The following SLC38A10 variants were observed in gnomAD, a reference collection of about 807,000 sequenced individuals.
SLC38A10 encodes the protein solute carrier family 38 member 10, also known as Sodium-coupled neutral amino acid transporter 10.
In SLC38A10, 53 loss-of-function variants were observed where a neutral mutation model predicts 81.0. The ratio of observed to expected loss-of-function variants is 0.65; its 90% CI spans 0.53 to 0.82. The LOEUF is 0.82. SLC38A10 is among the 40% of genes least tolerant of loss of function. The probability of loss-of-function intolerance (pLI) is 0.00; values close to 1 mark genes in which losing one functional copy is unlikely to be tolerated. For synonymous variants in SLC38A10, 665 were observed against 655.3 expected, an observed-to-expected ratio of 1.01 and a Z score of -0.23; for missense variants, 1,471 against 1,545.0, an observed-to-expected ratio of 0.95 and a Z score of 0.80.
Position 81,283,625 on chromosome 17 carries a change from TTTTTTTG to T in SLC38A10, c.264-130_264-124del, listed in dbSNP as rs2063236491. The T allele has an allele frequency of 4.5e-6, 3 of 669,914 alleles. No individual in the cohort carries two copies. The highest frequency in any genetic ancestry group is 1.9e-5 in the South Asian group (1 of 53,362). The allele number at this position is 669,914 out of a possible 1,614,324, so 41.5% of individuals were successfully genotyped here. On this transcript the variant is annotated intron_variant, in intron 3 of 15. Transcript: ENST00000374759. The surrounding 1 kb of genome is among the most constrained non-coding windows in gnomAD (Gnocchi z 4.7). The stretch of plus-strand genomic sequence containing the variant: ...GATGTGATTTCTTTTTTCTTTTTTT[TTTTTTTG>T]AAACAGAGTCTCACTCTGTCGCCCA...
Position 81,253,937 on chromosome 17 carries a change from C to A in SLC38A10, c.1289-697G>T. Reference sequence around the variant, plus strand: ...GCCAACCCTACCATCATTGCCATCACCTCCATTATCGTCATCACCACCACC... The same window carrying A: ...GCCAACCCTACCATCATTGCCATCAACTCCATTATCGTCATCACCACCACC... On this transcript the variant is annotated intron_variant, in intron 11 of 15. Coordinates refer to ENST00000374759, the MANE Select transcript of SLC38A10 (RefSeq NM_001037984.3). This position sits in a 1 kb window ranked among gnomAD's most constrained non-coding sequence, Gnocchi z 4.1. 6.6e-6 allele frequency among the ~76,000 whole-genome samples: 1 copy of A among 151,884 alleles called. No homozygotes were observed. The highest frequency in any genetic ancestry group is 1.5e-5 in the Non-Finnish European group (1 of 67,982).
Position 81,260,373 on chromosome 17 carries a change from C to T in SLC38A10, c.1153G>A (p.Gly385Ser). The T allele has an allele frequency of 3.1e-6, 5 of 1,611,390 alleles. No individual in the cohort carries two copies. The highest frequency in any genetic ancestry group is 4.2e-6 in the Non-Finnish European group (5 of 1,179,316). The change falls in exon 11 of 16, where the codon GGC (glycine) becomes AGC (serine). Residue 385 changes from glycine to serine, a missense_variant. Gly to Ser is a moderately conservative substitution (Grantham distance 56, BLOSUM62 0). Around this residue, in one of 2 missense-constraint regions of SLC38A10, gnomAD observed 720 missense variants for 827.7 expected, o/e 0.87. Transcript: ENST00000374759. Reference sequence around the variant, plus strand: ...GTGACAGTGCTCACCACCAGGACGCCCAGGCCGACCCACAGCACCACCTGA... The same window carrying T: ...GTGACAGTGCTCACCACCAGGACGCTCAGGCCGACCCACAGCACCACCTGA... Reference protein sequence around the residue: ...SSQVVLWVGLGVLVVSTVTTL... With the variant: ...SSQVVLWVGLSVLVVSTVTTL...
At position 81,283,170 on chromosome 17, in the gene SLC38A10, C is replaced by T. The variant is rs556565089; in HGVS notation, c.357+239G>A. 7.7e-4 allele frequency among the ~76,000 whole-genome samples: 117 copies of T among 152,286 alleles called. 1 individual carries two copies. In the Middle Eastern group the frequency reaches 0.01, roughly 13 times the overall value. ...GCACTGTGCCCGGGTCTGAGGCTCC[C>T]CCACCCGCCCCTCATCTACATGGTG... On this transcript the variant is annotated intron_variant, in intron 4 of 15. Transcript: ENST00000374759. The surrounding 1 kb of genome is among the most constrained non-coding windows in gnomAD (Gnocchi z 4.7).
chr17:81,252,269 T>C lies in SLC38A10; in HGVS notation c.1871A>G (p.Glu624Gly). The C allele has an allele frequency of 1.2e-6, 2 of 1,600,522 alleles. No individual in the cohort carries two copies. The highest frequency in any genetic ancestry group is 1.1e-5 in the South Asian group (1 of 90,260). ...TGGCGGCGGTCCCCCCTTGGCCTTT[T>C]CCCCTCCACCCACCGCCAGGCCGTT... ...QQNGLAVGGGEKAKGGPPPGN... is the reference protein window; with the variant it reads ...QQNGLAVGGGGKAKGGPPPGN... The change falls in exon 13 of 16, where the codon GAA becomes GGA. Residue 624 changes from glutamate (E) to glycine (G), a missense_variant. Physicochemically the swap from Glu to Gly is moderately conservative, Grantham distance 98. Around this residue, in one of 2 missense-constraint regions of SLC38A10, gnomAD observed 751 missense variants for 717.4 expected, o/e 1.05. Coordinates refer to ENST00000374759, the MANE Select transcript of SLC38A10 (RefSeq NM_001037984.3).
chr17:81,247,824 G>C (rs1315893692), intron 14 of SLC38A10, among the ~76,000 whole-genome samples: 2 of 151,578 alleles, frequency 1.3e-5, no homozygotes, highest in Non-Finnish European at 2.9e-5. Flanking sequence ...CTGGGCAACA[G>C]AGCAAGACCC....
Position 81,245,560 on chromosome 17 carries a change from G to C in SLC38A10, c.3356C>G (p.Ser1119Cys). 1.2e-6 allele frequency: 2 copies of C among 1,603,724 alleles called. No individual in the cohort carries two copies. Among genetic ancestry groups the C allele is most frequent in the Non-Finnish European group, 1.7e-6 (2 of 1,175,386 alleles). The change falls in exon 16 of 16, where the codon TCC (serine) becomes TGC (cysteine). Residue 1119 changes from serine (S) to cysteine (C), a missense_variant. Ser to Cys is a moderately radical substitution (Grantham distance 112). Coordinates refer to ENST00000374759, the MANE Select transcript of SLC38A10 (RefSeq NM_001037984.3). ...LRQAPGPPEES is the reference protein window; with the variant it reads ...LRQAPGPPEEC ...GGCCCTCATGGCCAGCAGGTGCTAG[G>C]ACTCCTCTGGAGGCCCAGGCGCCTG...
chr17:81,283,326 C>T lies in SLC38A10; in HGVS notation c.357+83G>A. The stretch of plus-strand genomic sequence containing the variant: ...AGCTTCTCCCGACCAGCACCCAGGT[C>T]TCGGTCCTCGGGAGGATCCCACAGA... On this transcript the variant is annotated intron_variant, in intron 4 of 15. Transcript: ENST00000374759. This position sits in a 1 kb window ranked among gnomAD's most constrained non-coding sequence, Gnocchi z 4.7. The T allele has an allele frequency of 1.6e-6, 2 of 1,261,848 alleles. No individual in the cohort carries two copies. The highest frequency in any genetic ancestry group is 2.3e-6 in the Non-Finnish European group (2 of 886,240). 78.2% of individuals were successfully genotyped at this position (1,261,848 alleles called of 1,614,324 possible).
chr17:81,294,322 C>T (rs1347472606), intron 1 of SLC38A10, among the ~76,000 whole-genome samples: 1 of 152,164 alleles, frequency 6.6e-6, no homozygotes, highest in African/African-American at 2.4e-5. Context: ...TGAGCCACCA[C>T]CCCCTGCCAA....
Position 81,280,858 on chromosome 17 carries a change from C to A in SLC38A10, c.502-125G>T. ...CAGCTCTTCCCACCCACATCCCAGC[C>A]CCCCACCACCCTGTGCCGCCCTGTG... On this transcript the variant is annotated intron_variant, in intron 5 of 15. Coordinates refer to ENST00000374759, the MANE Select transcript of SLC38A10 (RefSeq NM_001037984.3). 3 of 1,358,370 alleles carry A rather than the reference C, an allele frequency of 2.2e-6. No individual in the cohort carries two copies. The South Asian group carries it at 4.5e-5, about 20-fold the overall frequency. 84.1% of individuals were successfully genotyped at this position (1,358,370 alleles called of 1,614,324 possible). A position where few individuals can be genotyped will look rare whatever the true frequency, so the allele number is the denominator to read the frequency against.
At chr17:81,272,945 G>T (rs1187619772) in intron 8 of SLC38A10, among the ~76,000 whole-genome samples, 1 of 152,192 alleles carries the variant, frequency 6.6e-6, no homozygotes, top group Non-Finnish European at 1.5e-5. Flanking sequence ...TACCACGAGA[G>T]TTTTTTAAGT....
Position 81,262,234 on chromosome 17 carries a change from C to T in SLC38A10, c.1132-1840G>A, listed in dbSNP as rs570911440. ...CTTACAGCCCTTGTGACCCCTCCTA[C>T]GCCAGAGCTGCCCCGGGACCTCCAT... On this transcript the variant is annotated intron_variant, in intron 10 of 15. Coordinates refer to ENST00000374759, the MANE Select transcript of SLC38A10 (RefSeq NM_001037984.3). Among the ~76,000 whole-genome samples the T allele has an allele frequency of 4.6e-5, 7 of 152,324 alleles. No individual in the cohort carries two copies. In the South Asian group the frequency reaches 1.5e-3, roughly 32 times the overall value.
intron 2 of SLC38A10, chr17:81,285,402 C>T (rs1484318550): frequency 6.6e-6 from 1 of 152,652 alleles, no homozygotes; most frequent in South Asian, 2.1e-4. Context: ...AGACTCCTTT[C>T]GAGCATGGTG....
rs576254962 is a variant in SLC38A10 at position 81,281,554 on chromosome 17, G to A, written c.501+635C>T. Among the ~76,000 whole-genome samples the A allele has an allele frequency of 6.6e-6, 1 of 152,136 alleles. No homozygotes were observed. The highest frequency in any genetic ancestry group is 2.1e-4 in the South Asian group (1 of 4,808). On this transcript the variant is annotated intron_variant, in intron 5 of 15. Coordinates refer to ENST00000374759, the MANE Select transcript of SLC38A10 (RefSeq NM_001037984.3). This position sits in a 1 kb window ranked among gnomAD's most constrained non-coding sequence, Gnocchi z 5.3. ...CACTTTGGGAGGCTGAGGCGGGTGG[G>A]TAACAAGGTCAGGAGTTCGAGACCA...
In SLC38A10 at chr17:81,289,329, A is replaced by G. The variant is rs1460337542; in HGVS notation, c.217+362T>C. On this transcript the variant is annotated intron_variant, in intron 2 of 15. Coordinates refer to ENST00000374759, the MANE Select transcript of SLC38A10 (RefSeq NM_001037984.3). This position sits in a 1 kb window ranked among gnomAD's most constrained non-coding sequence, Gnocchi z 5.9. ...AGTGCTGGGATTACAGGCACGAGCC[A>G]CCACGCCCGGCAGGTTTTTTTTTTA... 6.6e-6 allele frequency among the ~76,000 whole-genome samples: 1 copy of G among 150,868 alleles called. No individual in the cohort carries two copies. The highest frequency in any genetic ancestry group is 1.5e-5 in the Non-Finnish European group (1 of 67,840).
rs1400967881 is a variant in SLC38A10, at chr17:81,288,329, C to T, written c.217+1362G>A. On this transcript the variant is annotated intron_variant, in intron 2 of 15. Coordinates refer to ENST00000374759, the MANE Select transcript of SLC38A10 (RefSeq NM_001037984.3). The surrounding 1 kb of genome is among the most constrained non-coding windows in gnomAD (Gnocchi z 5.4). ...CCGCGGGAGCTGTGAGCCCGGGGGG[C>T]AGGATGGCCTTCTGCAGGGAGGACC... Among the ~76,000 whole-genome samples the T allele has an allele frequency of 6.6e-6, 1 of 152,216 alleles. No individual in the cohort carries two copies. The highest frequency in any genetic ancestry group is 2.4e-5 in the African/African-American group (1 of 41,452).
chr17:81,287,679 CAGG>C (rs907636019), intron 2 of SLC38A10, among the ~76,000 whole-genome samples: 2 of 152,238 alleles, frequency 1.3e-5, no homozygotes, highest in Admixed American at 6.5e-5. Flanking sequence ...GAAGCTCAGG[CAGG>C]AGTTCCAGGC....
Position 81,276,071 on chromosome 17 carries a change from C to A in SLC38A10, c.810G>T (p.Thr270=), listed in dbSNP as rs139896490. The change falls in exon 8 of 16, where the codon ACG becomes ACT. Residue 270 remains threonine, a synonymous_variant. Transcript: ENST00000374759. The surrounding 1 kb of genome is among the most constrained non-coding windows in gnomAD (Gnocchi z 4.7). Reference sequence around the variant, plus strand: ...TCATGAAGCCCACACGGAGCATCTCCGTCACCAGGTTGGAGGGAAAGTGCA... The same window carrying A: ...TCATGAAGCCCACACGGAGCATCTCAGTCACCAGGTTGGAGGGAAAGTGCA... ...VLMHFPSNLV[T]EMLRVGFMMS... The A allele has an allele frequency of 6.2e-7, 1 of 1,613,988 alleles. No individual in the cohort carries two copies. Among genetic ancestry groups the A allele is most frequent in the African/African-American group, 1.3e-5 (1 of 75,056 alleles).
intron 9 of SLC38A10, among the ~76,000 whole-genome samples, chr17:81,271,324 C>T (rs1306682894): frequency 6.6e-6 from 1 of 152,216 alleles, no homozygotes; most frequent in African/African-American, 2.4e-5. Flanking sequence ...TCCTGCGCCG[C>T]CTCTCCTGCC....
In SLC38A10 at chr17:81,270,359, G is replaced by A. The variant is rs370009990; in HGVS notation, c.1131+559C>T. On this transcript the variant is annotated intron_variant, in intron 10 of 15. Transcript: ENST00000374759. This position sits in a 1 kb window ranked among gnomAD's most constrained non-coding sequence, Gnocchi z 4.0. The stretch of plus-strand genomic sequence containing the variant: ...GCAAGACTGGAGAGGTGAGTCCTTC[G>A]GAGACTGGGATTATGGAATCTTCCT... Among the ~76,000 whole-genome samples the A allele has an allele frequency of 5.3e-5, 8 of 152,156 alleles. No homozygotes were observed. Among genetic ancestry groups the A allele is most frequent in the African/African-American group, 1.7e-4 (7 of 41,434 alleles).
Sources: allele counts gnomAD v4.1 joint callset (sites outside exome capture counted in the v4.1 genomes callset), GRCh38; gene constraint gnomAD v4.1.1; regional missense constraint gnomAD v4.1.1; non-coding constraint Gnocchi (gnomAD v3.1); transcripts MANE v1.5; gene names NCBI Gene and HGNC (gene_info 2026-07-23, HGNC 2026-07-21).